The following FOXN1 variants were observed in gnomAD, a reference collection of about 807,000 sequenced individuals.
FOXN1 encodes the protein forkhead box protein N1.
In FOXN1, 15 loss-of-function variants were observed where a neutral mutation model predicts 49.0. The ratio of observed to expected loss-of-function variants is 0.31; its 90% CI spans 0.20 to 0.47. The LOEUF is 0.47. Among genes scored for constraint, FOXN1 ranks in the 20% least tolerant of loss-of-function variants. FOXN1 has a pLI of 1.00. For missense variants in FOXN1, 800 were observed against 842.8 expected (o/e 0.95, Z 0.63); for synonymous variants, 356 against 369.0 (o/e 0.96, Z 0.40).
At chr17:28,527,404 A>C (rs1471093397) in intron 4 of FOXN1, 43 bp downstream of exon 4, 1 of 1,126,548 alleles carries the variant, frequency 8.9e-7, no homozygotes, top group Non-Finnish European at 1.3e-6. Context: ...AGGTCTGAGG[A>C]TATCGTGTGT....
At chr17:28,536,857 C>T (rs1294982694) in intron 8 of FOXN1, among the ~76,000 whole-genome samples, 1 of 152,090 alleles carries the variant, frequency 6.6e-6, no homozygotes, top group Non-Finnish European at 1.5e-5. Context: ...ATCAACCCCT[C>T]CCCAATGCCC....
chr17:28,538,506 C>T lies in FOXN1; in HGVS notation c.*1070C>T, dbSNP rs2070127496. ...CACTTTCGACTTACGATGTTTCCCA[C>T]TCACGATGGGTTTCTCCGGATGTAG... On this transcript the variant is annotated 3_prime_UTR_variant, in exon 9 of 9. Coordinates refer to ENST00000579795, the MANE Select transcript of FOXN1 (RefSeq NM_001369369.1). The T allele has an allele frequency of 6.6e-6, 1 of 152,228 alleles. No individual in the cohort carries two copies. The allele number at this position is 152,228 out of a possible 1,614,324, so 9.4% of individuals were successfully genotyped here. A position where few individuals can be genotyped will look rare whatever the true frequency, so the allele number is the denominator to read the frequency against.
chr17:28,533,706 G>A (rs574578509), intron 6 of FOXN1, among the ~76,000 whole-genome samples: 5 of 152,258 alleles, frequency 3.3e-5, no homozygotes, highest in South Asian at 4.1e-4. Context: ...ACTTAGGGAC[G>A]TATGCACATG....
intron 1 of FOXN1, among the ~76,000 whole-genome samples, chr17:28,509,248 G>C (rs912422728): frequency 6.8e-6 from 1 of 147,160 alleles, no homozygotes; most frequent in Admixed American, 6.8e-5. Flanking sequence ...CCTTCCACCC[G>C]TCTCTGTCTC....
chr17:28,534,891 G>A lies in FOXN1; in HGVS notation c.1320G>A (p.Gln440=), dbSNP rs1043128809. Residue 440 remains glutamine (Q), a synonymous_variant, in exon 8 of 9, where the codon CAG becomes CAA. Transcript: ENST00000579795. This position sits in a 1 kb window ranked among gnomAD's most constrained non-coding sequence, Gnocchi z 4.1. ...CCATTCCTGGCAAGAACCCCCTGCA[G>A]GACCTACTTATGGGGCACACACCCT... is the stretch of plus-strand genomic sequence containing the variant. ...PGPIPGKNPL[Q]DLLMGHTPSC... The A allele has an allele frequency of 3.7e-6, 6 of 1,614,110 alleles. No homozygotes were observed. In the Admixed American group the frequency reaches 5.0e-5, roughly 13 times the overall value.
chr17:28,514,572 T>A (rs2069455783), intron 1 of FOXN1, among the ~76,000 whole-genome samples: 1 of 152,106 alleles, frequency 6.6e-6, no homozygotes, highest in Admixed American at 6.5e-5. Flanking sequence ...ATTGCCGAGC[T>A]GCTCCAGGGG....
chr17:28,510,820 G>A (rs373281692), intron 1 of FOXN1, among the ~76,000 whole-genome samples: 11 of 152,320 alleles, frequency 7.2e-5, no homozygotes, highest in African/African-American at 1.9e-4. Context: ...TCCCGCAAGC[G>A]TGGTCAATCT....
In FOXN1 at chr17:28,534,313, C is replaced by G. The variant is rs2069993697; in HGVS notation, c.928-18C>G. Reference sequence around the variant, plus strand: ...TCCTGAGCCTGGCCTGAATGCTTGTCTTGCTCTGTTCCGGCAGACAGCACC... The same window carrying G: ...TCCTGAGCCTGGCCTGAATGCTTGTGTTGCTCTGTTCCGGCAGACAGCACC... On this transcript the variant is annotated intron_variant, in intron 6 of 8. Transcript: ENST00000579795. The surrounding 1 kb of genome is among the most constrained non-coding windows in gnomAD (Gnocchi z 4.1). The G allele has an allele frequency of 6.2e-7, 1 of 1,614,006 alleles. No homozygotes were observed. The highest frequency in any genetic ancestry group is 2.2e-5 in the East Asian group (1 of 44,892).
intron 4 of FOXN1, among the ~76,000 whole-genome samples, chr17:28,528,004 C>T (rs1233931740): frequency 6.6e-6 from 1 of 152,216 alleles, no homozygotes; most frequent in African/African-American, 2.4e-5. Flanking sequence ...CCAGGCAGCT[C>T]CCAGGAGTCA....
rs781323725 is a variant in FOXN1 at position 28,524,662 on chromosome 17, C to A, written c.283C>A (p.Pro95Thr). 11 of 1,613,660 alleles carry A rather than the reference C, an allele frequency of 6.8e-6. No individual in the cohort carries two copies. Among genetic ancestry groups the A allele is most frequent in the Non-Finnish European group, 9.3e-6 (11 of 1,179,918 alleles). The stretch of plus-strand genomic sequence containing the variant: ...CGGCCCTGGGCCCTTCAGGCTCTCA[C>A]CCTCAGACAAGTATCCTGGCTTTGG... ...GPGPGPFRLS[P>T]SDKYPGFGFE... The change falls in exon 3 of 9, where the codon CCC (proline) becomes ACC (threonine). Residue 95 changes from proline to threonine, a missense_variant. Physicochemically the swap from Pro to Thr is conservative, Grantham distance 38. This residue lies in a region of FOXN1 where 383 missense variants were observed against 357.9 expected (regional missense o/e 1.07). Coordinates refer to ENST00000579795, the MANE Select transcript of FOXN1 (RefSeq NM_001369369.1).
intron 5 of FOXN1, 92 bp from the exon 6 acceptor site, chr17:28,530,657 C>A: frequency 1.3e-6 from 1 of 775,786 alleles, no homozygotes; most frequent in Non-Finnish European, 2.4e-6. Context: ...CACCTCCAAT[C>A]CCATAGAGCC....
rs577117835 is a variant in FOXN1 at position 28,533,540 on chromosome 17, C to T, written c.928-791C>T. 7.5e-5 allele frequency among the ~76,000 whole-genome samples: 11 copies of T among 146,370 alleles called. No homozygotes were observed. In the East Asian group the frequency reaches 2.4e-3, roughly 32 times the overall value. On this transcript the variant is annotated intron_variant, in intron 6 of 8. Coordinates refer to ENST00000579795, the MANE Select transcript of FOXN1 (RefSeq NM_001369369.1). Reference sequence around the variant, plus strand: ...CCCACCAGGGCACGCCCCCTGGGCACACTCATGCAAACACTCACACCCACA... The same window carrying T: ...CCCACCAGGGCACGCCCCCTGGGCATACTCATGCAAACACTCACACCCACA...
At chr17:28,513,074 G>T (rs1454043853) in intron 1 of FOXN1, among the ~76,000 whole-genome samples, 2 of 152,120 alleles carry the variant, frequency 1.3e-5, no homozygotes. Context: ...AACATCCCCA[G>T]CTTGGCCAAC....
Position 28,513,905 on chromosome 17 carries a change from AG to A in FOXN1, c.-15+7464del, listed in dbSNP as rs145031732. ...GCGAAAAGGAAGGGGTGCTGGGCAAAGGAGAGTGGGAGACTGGTTGCTGTTG... is the reference window on the plus strand; with the variant it reads ...GCGAAAAGGAAGGGGTGCTGGGCAAAGAGAGTGGGAGACTGGTTGCTGTTG... On this transcript the variant is annotated intron_variant, in intron 1 of 8. Coordinates refer to ENST00000579795, the MANE Select transcript of FOXN1 (RefSeq NM_001369369.1). 4.3e-3 allele frequency among the ~76,000 whole-genome samples: 651 copies of A among 152,316 alleles called. 4 individuals carry two copies. The highest frequency in any genetic ancestry group is 0.015 in the African/African-American group (624 of 41,558).
intron 1 of FOXN1, among the ~76,000 whole-genome samples, chr17:28,518,771 C>T (rs1319287364): frequency 1.3e-5 from 2 of 152,018 alleles, no homozygotes; most frequent in Non-Finnish European, 2.9e-5. Context: ...GAGCATCTGG[C>T]GGTATGGTCA....
intron 1 of FOXN1, among the ~76,000 whole-genome samples, chr17:28,521,527 C>T (rs778608832): frequency 3.3e-5 from 5 of 152,364 alleles, no homozygotes; most frequent in African/African-American, 4.8e-5. Flanking sequence ...CCCCGCACCT[C>T]GGGCCCCATG....
chr17:28,517,863 A>G (rs1483348140), intron 1 of FOXN1, among the ~76,000 whole-genome samples: 1 of 130,890 alleles, frequency 7.6e-6, no homozygotes. Context: ...CCTCCACAGG[A>G]TCCATACCTC....
At chr17:28,525,641 C>T (rs932998611) in intron 3 of FOXN1, among the ~76,000 whole-genome samples, 1 of 152,172 alleles carries the variant, frequency 6.6e-6, no homozygotes, top group Non-Finnish European at 1.5e-5. Context: ...CCTGCTCCCC[C>T]GCTCTGGTTT....
chr17:28,519,217 G>C lies in FOXN1; in HGVS notation c.-14-4739G>C, dbSNP rs574262446. Among the ~76,000 whole-genome samples, 22 of 152,256 alleles carry C rather than the reference G, an allele frequency of 1.4e-4. No individual in the cohort carries two copies. The South Asian group carries it at 3.9e-3, about 27-fold the overall frequency. Reference sequence around the variant, plus strand: ...GCGGTGGTGCACACCTGTAATCTCAGCACTTTGGGAGGCTAAGGCGGGAGG... The same window carrying C: ...GCGGTGGTGCACACCTGTAATCTCACCACTTTGGGAGGCTAAGGCGGGAGG... On this transcript the variant is annotated intron_variant, in intron 1 of 8. Coordinates refer to ENST00000579795, the MANE Select transcript of FOXN1 (RefSeq NM_001369369.1).
Sources: allele counts gnomAD v4.1 joint callset (sites outside exome capture counted in the v4.1 genomes callset), GRCh38; gene constraint gnomAD v4.1.1; regional missense constraint gnomAD v4.1.1; non-coding constraint Gnocchi (gnomAD v3.1); transcripts MANE v1.5; gene names NCBI Gene and HGNC (gene_info 2026-07-23, HGNC 2026-07-21).